BBX: variants seen among roughly 807,000 people sequenced by gnomAD.
BBX encodes HMG box transcription factor BBX.
A neutral mutation model predicts 100.2 loss-of-function variants in BBX; 30 were observed. The observed-to-expected ratio is 0.30, with a 90% confidence interval of 0.22 to 0.41. The LOEUF is 0.41. BBX is among the 10% of genes least tolerant of loss of function. BBX has a pLI of 1.00. For synonymous variants in BBX, 376 were observed against 388.1 expected, an observed-to-expected ratio of 0.97 and a Z score of 0.37; for missense variants, 1,023 against 1,129.8, an observed-to-expected ratio of 0.91 and a Z score of 1.35.
Position 107,716,843 on chromosome 3 carries a change from C to T in BBX, c.399C>T (p.Ala133=). 1 of 1,613,040 alleles carries T rather than the reference C, an allele frequency of 6.2e-7. No homozygotes were observed. ...PKEKQKYTDM[A]KEYKDAFMKA... is the part of the protein sequence containing the mutation. ...AAAAGCAGAAATACACAGACATGGCCAAGGAGGTAGGTTACAATGACAAGG... is the reference window on the plus strand; with the variant it reads ...AAAAGCAGAAATACACAGACATGGCTAAGGAGGTAGGTTACAATGACAAGG... The change falls in exon 5 of 18, where the codon GCC becomes GCT. Residue 133 remains alanine, a synonymous_variant. Coordinates refer to ENST00000325805, the MANE Select transcript of BBX (RefSeq NM_001142568.3).
In BBX at chr3:107,677,894, G is replaced by A. The variant is rs187842330; in HGVS notation, c.-10+31985G>A. 2.1e-3 allele frequency among the ~76,000 whole-genome samples: 320 copies of A among 152,014 alleles called. 1 individual carries two copies. The highest frequency in any genetic ancestry group is 7.1e-3 in the African/African-American group (296 of 41,494). On this transcript the variant is annotated intron_variant, in intron 3 of 17. Coordinates refer to ENST00000325805, the MANE Select transcript of BBX (RefSeq NM_001142568.3). ...TACGGAACTATAAGTATACCCCAAC[G>A]TCTTCTTTTTTGATTTTTGAATTAT...
chr3:107,559,002 G>A (rs908041556), intron 2 of BBX, among the ~76,000 whole-genome samples: 1 of 152,184 alleles, frequency 6.6e-6, no homozygotes, highest in Admixed American at 6.5e-5. Flanking sequence ...GGCTTTTTAG[G>A]CAGAAGGAAT....
chr3:107,620,643 T>G (rs992290118), intron 2 of BBX, among the ~76,000 whole-genome samples: 1 of 152,184 alleles, frequency 6.6e-6, no homozygotes, highest in Non-Finnish European at 1.5e-5. Flanking sequence ...GAGTTTTTCA[T>G]TCCTGCTGGG....
rs1576830967 is a variant in BBX at position 107,791,409 on chromosome 3, C to G, written c.2353+110C>G. 3 of 838,568 alleles carry G rather than the reference C, an allele frequency of 3.6e-6. No homozygotes were observed. The East Asian group carries it at 7.7e-5, about 22-fold the overall frequency. The allele number at this position is 838,568 out of a possible 1,614,324, so 51.9% of individuals were successfully genotyped here. ...TATAGGTTTAAACAACAGCACTAGACTTATGTGTTCATAATTAGGTTATTT... is the reference window on the plus strand; with the variant it reads ...TATAGGTTTAAACAACAGCACTAGAGTTATGTGTTCATAATTAGGTTATTT... On this transcript the variant is annotated intron_variant, in intron 15 of 17. Transcript: ENST00000325805.
chr3:107,725,906 A>T (rs1449937779), intron 5 of BBX, among the ~76,000 whole-genome samples: 1 of 152,110 alleles, frequency 6.6e-6, no homozygotes, highest in Non-Finnish European at 1.5e-5. Flanking sequence ...ATTTTTAACA[A>T]AAATGTTGTT....
rs575063360 is a variant in BBX at position 107,769,642 on chromosome 3, ATCG to A, written c.907-2984_907-2982del. On this transcript the variant is annotated intron_variant, in intron 10 of 17. Coordinates refer to ENST00000325805, the MANE Select transcript of BBX (RefSeq NM_001142568.3). ...GGGAACATAAAGTCTGTCTTCGAGTATCGTATCTGTCGTATGAGCAAGAGTGAA... is the reference window on the plus strand; with the variant it reads ...GGGAACATAAAGTCTGTCTTCGAGTATATCTGTCGTATGAGCAAGAGTGAA... 2.8e-3 allele frequency among the ~76,000 whole-genome samples: 422 copies of A among 151,504 alleles called. 3 individuals are homozygous for A. Among genetic ancestry groups the A allele is most frequent in the Non-Finnish European group, 4.8e-3 (324 of 68,032 alleles).
intron 2 of BBX, among the ~76,000 whole-genome samples, chr3:107,606,683 T>C (rs189830093): frequency 1.6e-4 from 24 of 152,286 alleles, no homozygotes; most frequent in Admixed American, 1.5e-3. Context: ...CTTGTAGATA[T>C]ATATATTTAT....
At chr3:107,657,116 A>G (rs1307388121) in intron 3 of BBX, 1 of 152,202 alleles carries the variant, frequency 6.6e-6, no homozygotes, top group Non-Finnish European at 1.5e-5. Flanking sequence ...ATGGAACAGA[A>G]GGAAAAAAAG....
chr3:107,689,637 C>T (rs2060037428), intron 3 of BBX, among the ~76,000 whole-genome samples: 1 of 152,150 alleles, frequency 6.6e-6, no homozygotes, highest in Admixed American at 6.5e-5. Flanking sequence ...CCGATTCCCT[C>T]CCTCCTCAGT....
At chr3:107,640,020 T>C (rs1289351234) in intron 2 of BBX, among the ~76,000 whole-genome samples, 1 of 152,206 alleles carries the variant, frequency 6.6e-6, no homozygotes, top group Non-Finnish European at 1.5e-5. Flanking sequence ...ATTACTGACA[T>C]TTATTGAGCA....
chr3:107,667,939 G>A (rs2058834944), intron 3 of BBX, among the ~76,000 whole-genome samples: 1 of 152,096 alleles, frequency 6.6e-6, no homozygotes, highest in Non-Finnish European at 1.5e-5. Context: ...TGATGAAAAA[G>A]AAGTGAGCAA....
chr3:107,599,623 G>C (rs1462035679), intron 2 of BBX: 2 of 152,184 alleles, frequency 1.3e-5, no homozygotes, highest in Non-Finnish European at 2.9e-5. Flanking sequence ...TGTTGGCTGT[G>C]GAACAAACTG....
chr3:107,772,919 G>A lies in BBX; in HGVS notation c.1198G>A (p.Asp400Asn). 6 of 1,583,320 alleles carry A rather than the reference G, an allele frequency of 3.8e-6. No homozygotes were observed. Among genetic ancestry groups the A allele is most frequent in the Non-Finnish European group, 5.2e-6 (6 of 1,153,540 alleles). ...KEIRKEELEEDHKCSHFPDFS... is the reference protein window; with the variant it reads ...KEIRKEELEENHKCSHFPDFS... ...AATTAGAAAGGAAGAGTTAGAAGAA[G>A]ATCACAAATGTAGTCATTTTCCTGA... The change falls in exon 11 of 18, where the codon GAT becomes AAT. Residue 400 changes from aspartate to asparagine, a missense_variant. Asp to Asn is a conservative substitution (Grantham distance 23). Around this residue, in one of 9 missense-constraint regions of BBX, gnomAD observed 348 missense variants for 353.2 expected, o/e 0.99. Transcript: ENST00000325805.
chr3:107,537,014 T>C (rs1373675369), intron 2 of BBX, among the ~76,000 whole-genome samples: 1 of 152,250 alleles, frequency 6.6e-6, no homozygotes, highest in African/African-American at 2.4e-5. Context: ...GTTTGCCCGT[T>C]AAGTCTGTAG....
intron 2 of BBX, among the ~76,000 whole-genome samples, chr3:107,634,782 G>C (rs544028915): frequency 6.6e-6 from 1 of 152,216 alleles, no homozygotes; most frequent in East Asian, 1.9e-4. Flanking sequence ...GCTAACGTTT[G>C]GAAATAAATC....
intron 13 of BBX, among the ~76,000 whole-genome samples, chr3:107,782,289 A>G (rs2067974017): frequency 6.6e-6 from 1 of 151,462 alleles, no homozygotes; most frequent in African/African-American, 2.4e-5. Context: ...GTGGGAGCAC[A>G]TTGCTATAAA....
chr3:107,799,024 C>T (rs989053936), intron 16 of BBX, among the ~76,000 whole-genome samples: 14 of 151,578 alleles, frequency 9.2e-5, no homozygotes, highest in African/African-American at 3.1e-4. Context: ...GTGGTGGGTG[C>T]CTGTAGTCCC....
At chr3:107,718,101 TAAG>T (rs982147675) in intron 5 of BBX, among the ~76,000 whole-genome samples, 3 of 151,224 alleles carry the variant, frequency 2.0e-5, no homozygotes, top group Middle Eastern at 3.4e-3. Context: ...AAAAATTTCT[TAAG>T]AAAGTTTCAT....
intron 3 of BBX, among the ~76,000 whole-genome samples, chr3:107,688,869 T>G (rs1320312640): frequency 6.6e-6 from 1 of 152,162 alleles, no homozygotes; most frequent in East Asian, 1.9e-4. Context: ...AGTACAGATT[T>G]GGCAGTCATC....
Sources: allele counts gnomAD v4.1 joint callset (sites outside exome capture counted in the v4.1 genomes callset), GRCh38; gene constraint gnomAD v4.1.1; regional missense constraint gnomAD v4.1.1; transcripts MANE v1.5; gene names NCBI Gene and HGNC (gene_info 2026-07-23, HGNC 2026-07-21).